The following BLTP3A variants were observed in gnomAD, a reference collection of about 807,000 sequenced individuals.
The protein encoded by BLTP3A is ICBP90 binding protein 1.
At chr6:34,795,215 C>G in the BLTP3A span, among the ~76,000 whole-genome samples, 1 of 152,078 alleles carries the variant, frequency 6.6e-6, no homozygotes, top group African/African-American at 2.4e-5. Context: ...TCCTGAGTAG[C>G]TGAGACCATG....
At chr6:34,851,132 T>C in the BLTP3A span, among the ~76,000 whole-genome samples, 1 of 152,202 alleles carries the variant, frequency 6.6e-6, no homozygotes, top group Non-Finnish European at 1.5e-5. Context: ...TACTCCAGGT[T>C]TGGTCACTGG....
the BLTP3A span, among the ~76,000 whole-genome samples, chr6:34,797,919 A>G: frequency 6.6e-6 from 1 of 152,230 alleles, no homozygotes; most frequent in Non-Finnish European, 1.5e-5. Flanking sequence ...TTCCAATTCC[A>G]GAGCTGTGCT....
chr6:34,823,421 A>C, the BLTP3A span: 6 of 1,315,540 alleles, frequency 4.6e-6, no homozygotes, highest in Non-Finnish European at 6.5e-6. Context: ...AAAAATAAAA[A>C]CTTTTTATTA....
chr6:34,821,279 G>A, the BLTP3A span, among the ~76,000 whole-genome samples: 1 of 152,136 alleles, frequency 6.6e-6, no homozygotes, highest in Admixed American at 6.5e-5. Flanking sequence ...TTTATGCGAG[G>A]GTTCAGAAAT....
At chr6:34,801,853 T>C in the BLTP3A span, among the ~76,000 whole-genome samples, 1 of 152,120 alleles carries the variant, frequency 6.6e-6, no homozygotes, top group Admixed American at 6.5e-5. Flanking sequence ...TTCTCCTGCC[T>C]CAGTCTCCGG....
the BLTP3A span, among the ~76,000 whole-genome samples, chr6:34,851,622 C>T: frequency 1.3e-5 from 2 of 152,194 alleles, no homozygotes; most frequent in East Asian, 3.8e-4. Flanking sequence ...ATGGTGACCA[C>T]TGCCTGGCTG....
the BLTP3A span, among the ~76,000 whole-genome samples, chr6:34,832,123 C>CTTTTTTTT: frequency 3.9e-4 from 55 of 141,904 alleles, no homozygotes; most frequent in African/African-American, 1.4e-3. Context: ...TTTTTTCTTT[C>CTTTTTTTT]TTTTTTTTTT....
the BLTP3A span, among the ~76,000 whole-genome samples, chr6:34,836,677 A>C: frequency 2.0e-5 from 3 of 152,198 alleles, no homozygotes; most frequent in Non-Finnish European, 4.4e-5. Flanking sequence ...AAAGTTCCTT[A>C]GGCAATCCTG....
the BLTP3A span, among the ~76,000 whole-genome samples, chr6:34,811,155 T>C: frequency 6.6e-6 from 1 of 152,216 alleles, no homozygotes. Flanking sequence ...ATGTGTGTTA[T>C]GTTCAGGGAC....
chr6:34,820,960 G>GTT, the BLTP3A span, among the ~76,000 whole-genome samples: 480 of 134,294 alleles, frequency 3.6e-3, 4 homozygotes, highest in Non-Finnish European at 5.3e-3. Context: ...CCCTCTGTCT[G>GTT]TTTTTTTTTT....
the BLTP3A span, among the ~76,000 whole-genome samples, chr6:34,828,477 T>TTATA: frequency 2.0e-5 from 3 of 147,596 alleles, no homozygotes; most frequent in African/African-American, 2.5e-5. Context: ...AAGTGTGTAT[T>TTATA]TATATATATA....
chr6:34,834,303 A>G, the BLTP3A span: 2 of 1,614,070 alleles, frequency 1.2e-6, no homozygotes, highest in East Asian at 4.5e-5. Context: ...AAGGCCTTCC[A>G]CGCTTCTTTT....
At chr6:34,859,065 C>T in the BLTP3A span, 53 of 1,614,192 alleles carry the variant, frequency 3.3e-5, no homozygotes, top group Middle Eastern at 1.6e-4. Context: ...GCACTAGCCT[C>T]GTAGATTCAG....
At chr6:34,797,146 G>A in the BLTP3A span, among the ~76,000 whole-genome samples, 705 of 152,256 alleles carry the variant, frequency 4.6e-3, 14 homozygotes, top group East Asian at 0.071. Flanking sequence ...GCTATATAAT[G>A]TAGCCAAAGA....
chr6:34,866,626 T>G, the BLTP3A span, among the ~76,000 whole-genome samples: 1 of 152,168 alleles, frequency 6.6e-6, no homozygotes, highest in Non-Finnish European at 1.5e-5. Flanking sequence ...AAGTGGATAG[T>G]TCAGTGACAT....
chr6:34,797,482 T>A, the BLTP3A span, among the ~76,000 whole-genome samples: 2 of 152,156 alleles, frequency 1.3e-5, no homozygotes, highest in African/African-American at 2.4e-5. Flanking sequence ...AGCCTCCAGT[T>A]GATAGTAGGA....
chr6:34,827,838 C>T, the BLTP3A span, among the ~76,000 whole-genome samples: 3 of 151,884 alleles, frequency 2.0e-5, no homozygotes, highest in Non-Finnish European at 2.9e-5. Flanking sequence ...CACCATGTTG[C>T]CCAGGCTGGT....
the BLTP3A span, among the ~76,000 whole-genome samples, chr6:34,853,602 C>G: frequency 2.0e-5 from 3 of 152,078 alleles, no homozygotes; most frequent in African/African-American, 7.2e-5. Flanking sequence ...GCTCTGTCAC[C>G]TAGGCTGGAG....
At chr6:34,849,362 A>G in the BLTP3A span, among the ~76,000 whole-genome samples, 1 of 152,134 alleles carries the variant, frequency 6.6e-6, no homozygotes, top group African/African-American at 2.4e-5. Flanking sequence ...AGGCTTACAA[A>G]TAACATCTTA....
Sources: gnomAD v4.1 joint callset for allele counts (sites outside exome capture counted in the v4.1 genomes callset) on GRCh38, gnomAD v4.1.1 for gene constraint, MANE v1.5 for transcripts, NCBI Gene and HGNC (gene_info 2026-07-23, HGNC 2026-07-21) for gene names.